The following APBB2 variants were observed in gnomAD, a reference collection of about 807,000 sequenced individuals.
APBB2 encodes Fe65-like 1.
A neutral mutation model predicts 82.5 loss-of-function variants in APBB2; 38 were observed. The observed-to-expected ratio is 0.46, with a 90% confidence interval of 0.36 to 0.60. The LOEUF (loss-of-function observed/expected upper bound fraction) is 0.60, where lower values mean the gene tolerates loss of function less well. Ranked by LOEUF, APBB2 falls within the 20% of genes least tolerant of loss-of-function variation. The probability of loss-of-function intolerance (pLI) is 0.00; values close to 1 mark genes in which losing one functional copy is unlikely to be tolerated. For synonymous variants in APBB2, 341 were observed against 368.2 expected, an observed-to-expected ratio of 0.93 and a Z score of 0.85; for missense variants, 772 against 972.3, an observed-to-expected ratio of 0.79 and a Z score of 2.74.
At chr4:41,050,660 C>T (rs549595888) in intron 4 of APBB2, among the ~76,000 whole-genome samples, 1 of 152,226 alleles carries the variant, frequency 6.6e-6, no homozygotes, top group East Asian at 1.9e-4. Flanking sequence ...AGTTACTAAC[C>T]ATGCACAATT....
intron 1 of APBB2, among the ~76,000 whole-genome samples, chr4:41,209,738 T>G (rs1778864702): frequency 6.6e-6 from 1 of 152,220 alleles, no homozygotes; most frequent in Non-Finnish European, 1.5e-5. Flanking sequence ...TTACCTTATC[T>G]GCTAACTAGA....
chr4:40,924,947 A>C (rs919104953), intron 10 of APBB2, among the ~76,000 whole-genome samples: 7 of 152,202 alleles, frequency 4.6e-5, no homozygotes, highest in Admixed American at 1.3e-4. Context: ...TACATATCAA[A>C]TCATTTTCAA....
intron 5 of APBB2, among the ~76,000 whole-genome samples, chr4:41,025,957 A>AG (rs1560555871): frequency 1.3e-5 from 2 of 151,530 alleles, no homozygotes; most frequent in African/African-American, 2.4e-5. Flanking sequence ...AAAAAAAAAA[A>AG]AAAAAAGAAA....
rs1763770342 is a variant in APBB2, at chr4:40,865,244, A to G, written c.1529+25120T>C. On this transcript the variant is annotated intron_variant, in intron 12 of 17. Transcript: ENST00000508593. ...AAAGCAGAATTGCAAGGACAGGGGT[A>G]CTGCATGCACAGGGACACACAGTCA... Among the ~76,000 whole-genome samples, 3 of 152,304 alleles carry G rather than the reference A, an allele frequency of 2.0e-5. No homozygotes were observed. In the East Asian group the frequency reaches 5.8e-4, roughly 29 times the overall value.
chr4:41,151,334 T>C (rs1762222422), intron 1 of APBB2, among the ~76,000 whole-genome samples: 1 of 152,246 alleles, frequency 6.6e-6, no homozygotes, highest in African/African-American at 2.4e-5. Context: ...AAATGTTCCA[T>C]ATTTGTATTG....
intron 7 of APBB2, among the ~76,000 whole-genome samples, chr4:40,944,169 CCTT>C (rs1277700398): frequency 6.6e-6 from 1 of 152,176 alleles, no homozygotes; most frequent in Admixed American, 6.5e-5. Context: ...TTAATTGTGA[CCTT>C]CTCCAACTCT....
At chr4:40,948,078 C>T (rs753058729) in intron 6 of APBB2, among the ~76,000 whole-genome samples, 28 of 152,276 alleles carry the variant, frequency 1.8e-4, no homozygotes, top group African/African-American at 6.5e-4. Flanking sequence ...CATATGTGAA[C>T]GTCCTCATGG....
intron 6 of APBB2, among the ~76,000 whole-genome samples, chr4:41,011,437 A>G (rs2154428083): frequency 6.8e-6 from 1 of 146,166 alleles, no homozygotes; most frequent in Non-Finnish European, 1.5e-5. Flanking sequence ...GCCTGGCCTA[A>G]TTTTTATTTT....
At position 40,813,203 on chromosome 4, in the gene APBB2, TGAG is replaced by T. The variant is rs1744768057; in HGVS notation, c.*2886_*2888del. 6.6e-6 allele frequency: 1 copy of T among 152,204 alleles called. No individual in the cohort carries two copies. The highest frequency in any genetic ancestry group is 2.4e-5 in the African/African-American group (1 of 41,448). The allele number at this position is 152,204 out of a possible 1,614,324, so 9.4% of individuals were successfully genotyped here. On this transcript the variant is annotated 3_prime_UTR_variant, in exon 18 of 18. Coordinates refer to ENST00000508593, the MANE Select transcript of APBB2 (RefSeq NM_004307.2). Reference sequence around the variant, plus strand: ...ACTTTTTAGGCAATGTATAGTTCACTGAGATTACTTAGATCTGGATACACTGGG... The same window carrying T: ...ACTTTTTAGGCAATGTATAGTTCACTATTACTTAGATCTGGATACACTGGG...
intron 2 of APBB2, among the ~76,000 whole-genome samples, chr4:41,109,308 T>A (rs1748347542): frequency 6.6e-6 from 1 of 151,812 alleles, no homozygotes; most frequent in Non-Finnish European, 1.5e-5. Flanking sequence ...TTCTTTTTTT[T>A]TTAGACGGAG....
chr4:40,935,436 A>G, intron 7 of APBB2: 1 of 355,396 alleles, frequency 2.8e-6, no homozygotes. Context: ...AGCAAACAAT[A>G]TAATTCCAAG....
intron 12 of APBB2, among the ~76,000 whole-genome samples, chr4:40,847,087 G>C (rs754505991): frequency 2.0e-5 from 3 of 152,074 alleles, no homozygotes; most frequent in Admixed American, 6.6e-5. Context: ...TATAATGAAA[G>C]GATAACGTTA....
intron 1 of APBB2, among the ~76,000 whole-genome samples, chr4:41,182,324 A>G (rs777018477): frequency 1.3e-5 from 2 of 152,198 alleles, no homozygotes; most frequent in Non-Finnish European, 2.9e-5. Flanking sequence ...CCTTCATTCT[A>G]CTGAATGATT....
intron 6 of APBB2, among the ~76,000 whole-genome samples, chr4:40,962,789 A>C (rs1056149161): frequency 6.6e-6 from 1 of 152,218 alleles, no homozygotes; most frequent in Non-Finnish European, 1.5e-5. Context: ...ATCACCATAC[A>C]GCCTGCCTGG....
At chr4:40,908,019 GTGTGTGTGGCATA>G (rs1424917698) in intron 10 of APBB2, among the ~76,000 whole-genome samples, 1 of 151,636 alleles carries the variant, frequency 6.6e-6, no homozygotes, top group African/African-American at 2.4e-5. Context: ...TATGTGGTGT[GTGTGTGTGGCATA>G]TGTGTATGGT....
chr4:40,879,631 T>C (rs1767869810), intron 12 of APBB2, among the ~76,000 whole-genome samples: 1 of 152,090 alleles, frequency 6.6e-6, no homozygotes, highest in Non-Finnish European at 1.5e-5. Flanking sequence ...TAAGCTCTCA[T>C]GTTAAATTTC....
chr4:41,070,245 T>G (rs1733336156), intron 3 of APBB2, among the ~76,000 whole-genome samples: 1 of 152,204 alleles, frequency 6.6e-6, no homozygotes, highest in African/African-American at 2.4e-5. Context: ...CTCACAATTT[T>G]ACTTCTTTTA....
At chr4:41,059,993 A>AT (rs796491395) in intron 4 of APBB2, among the ~76,000 whole-genome samples, 3,071 of 151,430 alleles carry the variant, frequency 0.02, 66 homozygotes, top group East Asian at 0.07. Context: ...AAAAAAAATA[A>AT]AATAATAATA....
intron 12 of APBB2, among the ~76,000 whole-genome samples, chr4:40,868,588 CTGA>C (rs1764637293): frequency 6.6e-6 from 1 of 152,148 alleles, no homozygotes; most frequent in Non-Finnish European, 1.5e-5. Context: ...TCTGATTGCA[CTGA>C]TGATAAATTA....
Sources: allele counts gnomAD v4.1 joint callset (sites outside exome capture counted in the v4.1 genomes callset), GRCh38; gene constraint gnomAD v4.1.1; transcripts MANE v1.5; gene names NCBI Gene and HGNC (gene_info 2026-07-23, HGNC 2026-07-21).